Variants in LZTFL1 observed in about 807,000 individuals in gnomAD.
The protein encoded by LZTFL1 is leucine zipper transcription factor like 1, also known as leucine zipper transcription factor-like protein 1.
A neutral mutation model predicts 45.9 loss-of-function variants in LZTFL1; 25 were observed. That is an observed-to-expected ratio of 0.54 (90% CI 0.40 to 0.76). LZTFL1 has a LOEUF of 0.76. Ranked by LOEUF, LZTFL1 falls within the 30% of genes least tolerant of loss-of-function variation. The probability of loss-of-function intolerance (pLI) is 0.00; values close to 1 mark genes in which losing one functional copy is unlikely to be tolerated. For missense variants in LZTFL1, 277 were observed against 331.1 expected, an observed-to-expected ratio of 0.84 and a Z score of 1.27; for synonymous variants, 93 against 117.4, an observed-to-expected ratio of 0.79 and a Z score of 1.35.
chr3:45,870,901 C>A (rs2125716319), intron 2 of LZTFL1, among the ~76,000 whole-genome samples: 1 of 152,294 alleles, frequency 6.6e-6, no homozygotes, highest in African/African-American at 2.4e-5. Flanking sequence ...TGTTCCCAGA[C>A]AAATGGATAA....
intron 2 of LZTFL1, among the ~76,000 whole-genome samples, chr3:45,876,608 G>A (rs987690170): frequency 5.9e-5 from 9 of 152,100 alleles, no homozygotes; most frequent in African/African-American, 9.7e-5. Context: ...GCGCTGGCTC[G>A]ACTCTTTCCT....
At chr3:45,831,173 C>CAAAATATT in intron 5 of LZTFL1, 35 bp from the exon 6 acceptor site, 1 of 1,126,112 alleles carries the variant, frequency 8.9e-7, no homozygotes, top group Non-Finnish European at 1.3e-6. Flanking sequence ...TTATATTAAC[C>CAAAATATT]AAAATATTTT....
Position 45,900,050 on chromosome 3 carries a change from A to G in LZTFL1, c.-215+13070T>C, listed in dbSNP as rs1275123650. ...GCAAGTGCATGTATTATGTGTATGCATGTACATATGAGTGTGTGTGCTTGT... is the reference window on the plus strand; with the variant it reads ...GCAAGTGCATGTATTATGTGTATGCGTGTACATATGAGTGTGTGTGCTTGT... On this transcript the variant is annotated intron_variant, in intron 2 of 4. Transcript: ENST00000472635. This position sits in a 1 kb window ranked among gnomAD's most constrained non-coding sequence, Gnocchi z 4.7. 6.6e-6 allele frequency among the ~76,000 whole-genome samples: 1 copy of G among 152,196 alleles called. No individual in the cohort carries two copies. The highest frequency in any genetic ancestry group is 1.5e-5 in the Non-Finnish European group (1 of 68,036).
Position 45,901,836 on chromosome 3 carries a change from G to A in LZTFL1, c.-215+11284C>T, listed in dbSNP as rs554786336. ...CCAGTGGGTTTCATTTACAAGGAGA[G>A]AGGGAAGCTTGAAGCTGTCGTCTAT... On this transcript the variant is annotated intron_variant, in intron 2 of 4. Transcript: ENST00000472635. The surrounding 1 kb of genome is among the most constrained non-coding windows in gnomAD (Gnocchi z 4.3). 5 of 1,613,206 alleles carry A rather than the reference G, an allele frequency of 3.1e-6. No individual in the cohort carries two copies. In the African/African-American group the frequency reaches 5.3e-5, roughly 17 times the overall value.
At chr3:45,897,435 C>T (rs1339481303) in intron 2 of LZTFL1, 3 of 702,352 alleles carry the variant, frequency 4.3e-6, no homozygotes, top group African/African-American at 3.5e-5. Flanking sequence ...TCCAGCAGGA[C>T]ACAATGTCCT....
At chr3:45,888,729 C>T (rs1023041804) in intron 2 of LZTFL1, among the ~76,000 whole-genome samples, 3 of 151,962 alleles carry the variant, frequency 2.0e-5, no homozygotes, top group African/African-American at 7.3e-5. Flanking sequence ...ACTGGCAAGA[C>T]AAAAATGAAA....
In LZTFL1 at chr3:45,884,632, G is replaced by A. The variant is rs538286690; in HGVS notation, c.-214-25616C>T. Among the ~76,000 whole-genome samples the A allele has an allele frequency of 1.2e-4, 18 of 152,174 alleles. No individual in the cohort carries two copies. In the East Asian group the frequency reaches 2.7e-3, roughly 23 times the overall value. ...CCCGAGACTCACTCCAACGTCTAGG[G>A]GCAAGCAGTGTCTACCTTGTATGCT... is the stretch of plus-strand genomic sequence containing the variant. On this transcript the variant is annotated intron_variant, in intron 2 of 4. Transcript: ENST00000472635.
chr3:45,882,008 C>G (rs1252545788), intron 2 of LZTFL1, among the ~76,000 whole-genome samples: 1 of 152,238 alleles, frequency 6.6e-6, no homozygotes, highest in Admixed American at 6.5e-5. Flanking sequence ...ACACTAACCA[C>G]AGTGTCATGT....
intron 2 of LZTFL1, among the ~76,000 whole-genome samples, chr3:45,864,216 T>G (rs1016421659): frequency 1.3e-5 from 2 of 152,236 alleles, no homozygotes. Context: ...TGAAACATTT[T>G]CTAAAGTTTG....
Position 45,823,448 on chromosome 3 carries a change from T to C in LZTFL1, c.*2866A>G, listed in dbSNP as rs574099323. 245 of 152,344 alleles carry C rather than the reference T, an allele frequency of 1.6e-3. No homozygotes were observed. Among genetic ancestry groups the C allele is most frequent in the African/African-American group, 5.7e-3 (236 of 41,564 alleles). The allele number at this position is 152,344 out of a possible 1,614,324, so 9.4% of individuals were successfully genotyped here. On this transcript the variant is annotated 3_prime_UTR_variant, in exon 10 of 10. Coordinates refer to ENST00000296135, the MANE Select transcript of LZTFL1 (RefSeq NM_020347.4). ...GTTCACATCAATTCATGTTTTACAA[T>C]AGGCAATAACAGCTACACGCTTACT...
chr3:45,835,402 C>T (rs1026590219), intron 3 of LZTFL1, 188 bp downstream of exon 3: 6 of 567,376 alleles, frequency 1.1e-5, no homozygotes, highest in Non-Finnish European at 1.2e-5. Flanking sequence ...ACAGTAGAAA[C>T]AGAGAACTTT....
chr3:45,893,728 C>G (rs538207101), intron 2 of LZTFL1, among the ~76,000 whole-genome samples: 65 of 152,248 alleles, frequency 4.3e-4, no homozygotes, highest in African/African-American at 1.5e-3. Flanking sequence ...TTTTGCCTAC[C>G]ACAGAGTAAA....
chr3:45,897,675 C>A (rs1702401927), intron 2 of LZTFL1: 4 of 1,407,526 alleles, frequency 2.8e-6, no homozygotes, highest in Non-Finnish European at 2.9e-6. Context: ...TCCCACCTGC[C>A]CCCTCTCATT....
At chr3:45,845,411 A>T (rs1701203481), upstream of LZTFL1, among the ~76,000 whole-genome samples, 1 of 152,164 alleles carries the variant, frequency 6.6e-6, no homozygotes, top group Admixed American at 6.5e-5. Context: ...GATTCAGAAA[A>T]GTCTTCCAGA....
chr3:45,834,494 C>T (rs1437343749), intron 3 of LZTFL1, 196 bp from the exon 4 acceptor site: 2 of 463,458 alleles, frequency 4.3e-6, no homozygotes, highest in Non-Finnish European at 7.8e-6. Flanking sequence ...TGTAATCATC[C>T]ACAGTACCTG....
intron 2 of LZTFL1, among the ~76,000 whole-genome samples, chr3:45,907,663 C>T (rs576431761): frequency 2.0e-5 from 3 of 152,322 alleles, no homozygotes; most frequent in South Asian, 4.1e-4. Context: ...GGCAAAGTCC[C>T]AGAGTGACAG....
chr3:45,829,533 G>A (rs895299864), intron 7 of LZTFL1, among the ~76,000 whole-genome samples: 2 of 150,192 alleles, frequency 1.3e-5, no homozygotes, highest in Admixed American at 1.3e-4. Flanking sequence ...GAGCCGGTGA[G>A]GTCAAGGTTG....
intron 2 of LZTFL1, among the ~76,000 whole-genome samples, chr3:45,892,764 G>A (rs998444894): frequency 6.6e-6 from 1 of 152,012 alleles, no homozygotes; most frequent in East Asian, 1.9e-4. Context: ...AAAAACCCAC[G>A]TGGGTCCGTA....
At chr3:45,834,476 G>A (rs929844862) in intron 3 of LZTFL1, 178 bp from the exon 4 acceptor site, 2 of 486,602 alleles carry the variant, frequency 4.1e-6, no homozygotes, top group South Asian at 6.5e-5. Context: ...AAACCACATG[G>A]ACTCAAATGT....
Sources: allele counts gnomAD v4.1 joint callset (sites outside exome capture counted in the v4.1 genomes callset), GRCh38; gene constraint gnomAD v4.1.1; non-coding constraint Gnocchi (gnomAD v3.1); transcripts MANE v1.5; gene names NCBI Gene and HGNC (gene_info 2026-07-23, HGNC 2026-07-21).